The following PRELID2 variants were observed in gnomAD, a reference collection of about 807,000 sequenced individuals.
PRELID2 encodes PRELI domain containing 2.
PRELID2 carries 25 observed loss-of-function variants against 28.4 expected under a neutral mutation model. The ratio of observed to expected loss-of-function variants is 0.88; its 90% confidence interval spans 0.64 to 1.23. PRELID2 has a LOEUF of 1.23. PRELID2 is among the 50% of genes most tolerant of loss of function. The pLI is 0.00. For synonymous variants in PRELID2, 76 were observed against 71.6 expected (o/e 1.06, Z -0.31); for missense variants, 201 against 214.4 (o/e 0.94, Z 0.39).
the PRELID2 span, among the ~76,000 whole-genome samples, chr5:145,430,608 C>T: frequency 3.3e-5 from 5 of 152,146 alleles, no homozygotes; most frequent in African/African-American, 9.7e-5. Flanking sequence ...GGATACTTGT[C>T]CATGTCTATG....
At chr5:145,296,046 G>C in the PRELID2 span, among the ~76,000 whole-genome samples, 5 of 152,118 alleles carry the variant, frequency 3.3e-5, no homozygotes, top group East Asian at 9.7e-4. Context: ...GATTAATTTT[G>C]TGAGGCCAAA....
intron 1 of PRELID2, among the ~76,000 whole-genome samples, chr5:145,706,101 A>G (rs115684160): frequency 6.6e-6 from 1 of 152,200 alleles, no homozygotes; most frequent in Non-Finnish European, 1.5e-5. Context: ...TTTTAATTAA[A>G]TGGGAAAAAA....
chr5:145,286,488 G>C, the PRELID2 span, among the ~76,000 whole-genome samples: 1 of 152,150 alleles, frequency 6.6e-6, no homozygotes, highest in Non-Finnish European at 1.5e-5. Flanking sequence ...GAGGCTCAGA[G>C]ATGATGTGTA....
chr5:145,419,563 T>C, the PRELID2 span, among the ~76,000 whole-genome samples: 4 of 141,248 alleles, frequency 2.8e-5, no homozygotes, highest in Non-Finnish European at 1.6e-5. Context: ...CTTCGCCCAC[T>C]TTTTGATGGG....
Position 145,513,127 on chromosome 5 carries a change from G to A in PRELID2, n.71-39812C>T, listed in dbSNP as rs188788141. On this transcript the variant is annotated intron_variant and non_coding_transcript_variant, in intron 1 of 2. Coordinates refer to the PRELID2 transcript ENST00000510259. Reference sequence around the variant, plus strand: ...CGCCAGCAAGGGAACAAAACTGGACGGAGAACGAATTTGACGAGTTGATAG... The same window carrying A: ...CGCCAGCAAGGGAACAAAACTGGACAGAGAACGAATTTGACGAGTTGATAG... Among the ~76,000 whole-genome samples the A allele has an allele frequency of 1.9e-4, 29 of 152,066 alleles. 1 individual carries two copies. Among genetic ancestry groups the A allele is most frequent in the Admixed American group, 7.2e-4 (11 of 15,268 alleles).
chr5:145,671,587 T>C (rs1431501700), intron 1 of PRELID2, among the ~76,000 whole-genome samples: 1 of 152,168 alleles, frequency 6.6e-6, no homozygotes, highest in Non-Finnish European at 1.5e-5. Context: ...AGAAGAATGT[T>C]TTCCAGCAGC....
chr5:145,752,732 A>G (rs891974424), downstream of PRELID2, among the ~76,000 whole-genome samples: 8 of 152,210 alleles, frequency 5.3e-5, no homozygotes, highest in East Asian at 1.4e-3. Flanking sequence ...TACAATAACT[A>G]TATTTTGGGG....
the PRELID2 span, among the ~76,000 whole-genome samples, chr5:145,294,100 T>C: frequency 3.3e-5 from 5 of 152,194 alleles, no homozygotes; most frequent in African/African-American, 9.6e-5. Context: ...AGAGCACATC[T>C]TTTTGAAAAA....
intron 1 of PRELID2, among the ~76,000 whole-genome samples, chr5:145,537,459 T>C (rs1242345007): frequency 1.5e-4 from 23 of 151,932 alleles, no homozygotes; most frequent in Non-Finnish European, 1.5e-5. Context: ...GTTTCCCCTT[T>C]TATCCACATC....
At chr5:145,732,537 A>C (rs1319495483) in intron 1 of PRELID2, among the ~76,000 whole-genome samples, 2 of 152,204 alleles carry the variant, frequency 1.3e-5, no homozygotes, top group Non-Finnish European at 2.9e-5. Flanking sequence ...TAGAAACCAA[A>C]ATTTTAATTG....
At chr5:145,636,241 C>T (rs1754000381) in intron 1 of PRELID2, among the ~76,000 whole-genome samples, 1 of 151,912 alleles carries the variant, frequency 6.6e-6, no homozygotes, top group South Asian at 2.1e-4. Context: ...GGTCACTCAG[C>T]TAAGAAGTAG....
the PRELID2 span, among the ~76,000 whole-genome samples, chr5:145,318,352 T>C: frequency 1.3e-5 from 2 of 152,216 alleles, no homozygotes; most frequent in African/African-American, 4.8e-5. Flanking sequence ...TCTCATGACC[T>C]GAGTTTTATT....
At chr5:145,740,626 A>T (rs866738430) in intron 1 of PRELID2, among the ~76,000 whole-genome samples, 6,291 of 14,374 alleles carry the variant, frequency 0.44, 733 homozygotes, top group African/African-American at 0.52. Context: ...ATATATATAT[A>T]TTATATATAT....
chr5:145,483,287 A>T (rs551808220), intron 1 of PRELID2, among the ~76,000 whole-genome samples: 8 of 152,164 alleles, frequency 5.3e-5, no homozygotes, highest in Non-Finnish European at 4.4e-5. Flanking sequence ...CACTCTGACC[A>T]TTCTGAGCCT....
At chr5:145,830,885 T>A (rs572512313) in intron 1 of PRELID2, among the ~76,000 whole-genome samples, 6 of 152,280 alleles carry the variant, frequency 3.9e-5, no homozygotes, top group South Asian at 2.1e-4. Context: ...ATATTATAAC[T>A]TGGAAGGCAA....
chr5:145,416,274 G>A, the PRELID2 span, among the ~76,000 whole-genome samples: 1 of 151,968 alleles, frequency 6.6e-6, no homozygotes, highest in Admixed American at 6.6e-5. Context: ...ATTCAAGATG[G>A]ATTAAAGACT....
At chr5:145,648,416 TAATA>T (rs1203339146) in intron 1 of PRELID2, among the ~76,000 whole-genome samples, 2 of 127,350 alleles carry the variant, frequency 1.6e-5, no homozygotes, top group Non-Finnish European at 3.2e-5. Context: ...ATAATAAAAA[TAATA>T]AATAATAAAA....
chr5:145,531,295 G>A (rs1478794021), intron 1 of PRELID2, among the ~76,000 whole-genome samples: 2 of 152,114 alleles, frequency 1.3e-5, no homozygotes, highest in East Asian at 3.9e-4. Context: ...TTCTGACACA[G>A]ACTAAAAAAT....
intron 1 of PRELID2, among the ~76,000 whole-genome samples, chr5:145,478,898 C>A (rs1164695957): frequency 6.6e-6 from 1 of 152,160 alleles, no homozygotes; most frequent in Non-Finnish European, 1.5e-5. Flanking sequence ...TTAGCCATAA[C>A]AGAGCCAAAA....
Sources: gnomAD v4.1 joint callset for allele counts (sites outside exome capture counted in the v4.1 genomes callset) on GRCh38, gnomAD v4.1.1 for gene constraint, MANE v1.5 for transcripts, NCBI Gene and HGNC (gene_info 2026-07-23, HGNC 2026-07-21) for gene names.